Variants in TMEM178B observed in about 807,000 individuals in gnomAD.
The protein encoded by TMEM178B is transmembrane protein 178B.
In TMEM178B, 5 loss-of-function variants were observed where a neutral mutation model predicts 31.0. That is an observed-to-expected ratio of 0.16 (90% CI 0.08 to 0.34). The LOEUF is 0.34. Among genes scored for constraint, TMEM178B ranks in the 10% least tolerant of loss-of-function variants. The pLI is 1.00. For missense variants in TMEM178B, 275 were observed against 400.3 expected (o/e 0.69, Z 2.67); for synonymous variants, 164 against 164.0 (o/e 1.00, Z 0.00).
chr7:141,336,490 C>G (rs1262376690), intron 2 of TMEM178B, among the ~76,000 whole-genome samples: 1 of 152,078 alleles, frequency 6.6e-6, no homozygotes, highest in Non-Finnish European at 1.5e-5. Flanking sequence ...CTGTAGGTCT[C>G]TAATTTCTCA....
intron 2 of TMEM178B, among the ~76,000 whole-genome samples, chr7:141,300,852 A>T (rs555892592): frequency 6.6e-5 from 10 of 151,240 alleles, no homozygotes; most frequent in Non-Finnish European, 1.0e-4. Flanking sequence ...TTCTATGTTC[A>T]TCTCTGTTTA....
At chr7:141,354,937 A>G (rs1019576092) in intron 2 of TMEM178B, among the ~76,000 whole-genome samples, 1 of 152,206 alleles carries the variant, frequency 6.6e-6, no homozygotes, top group Non-Finnish European at 1.5e-5. Context: ...CAGAGATTCT[A>G]GCTGCTTATT....
chr7:141,202,572 G>T (rs1200018895), intron 1 of TMEM178B, among the ~76,000 whole-genome samples: 4 of 152,264 alleles, frequency 2.6e-5, no homozygotes, highest in African/African-American at 9.6e-5. Context: ...ATACAAAATG[G>T]AATGCATTTG....
At chr7:141,116,670 C>T (rs902133491) in intron 1 of TMEM178B, among the ~76,000 whole-genome samples, 1 of 152,042 alleles carries the variant, frequency 6.6e-6, no homozygotes, top group South Asian at 2.1e-4. Context: ...TCCCCTAGAC[C>T]CCCATCCCCT....
At chr7:141,469,173 C>T (rs1802196054) in intron 3 of TMEM178B, among the ~76,000 whole-genome samples, 1 of 152,196 alleles carries the variant, frequency 6.6e-6, no homozygotes, top group African/African-American at 2.4e-5. Context: ...ACAGGCTGCT[C>T]ATTTGCTCAA....
At chr7:141,333,951 C>T (rs76839626) in intron 2 of TMEM178B, among the ~76,000 whole-genome samples, 9,902 of 152,280 alleles carry the variant, frequency 0.065, 777 homozygotes, top group African/African-American at 0.18. Context: ...TGCTCACTCA[C>T]CTGCCCACCT....
chr7:141,299,335 C>T (rs1421386375), intron 2 of TMEM178B, among the ~76,000 whole-genome samples: 3 of 152,188 alleles, frequency 2.0e-5, no homozygotes, highest in Non-Finnish European at 4.4e-5. Context: ...CGCCACCACA[C>T]TCAGCTAATT....
At chr7:141,213,284 G>A (rs192281108) in intron 2 of TMEM178B, among the ~76,000 whole-genome samples, 1 of 152,322 alleles carries the variant, frequency 6.6e-6, no homozygotes, top group Admixed American at 6.5e-5. Context: ...GTGTGCATTG[G>A]TTAGGGCATT....
chr7:141,361,247 C>T (rs1183091793), intron 2 of TMEM178B, among the ~76,000 whole-genome samples: 1 of 152,114 alleles, frequency 6.6e-6, no homozygotes, highest in East Asian at 1.9e-4. Context: ...GCAAGTATCA[C>T]AGGGCCATTT....
At position 141,374,434 on chromosome 7, in the gene TMEM178B, A is replaced by G. The variant is rs147477252; in HGVS notation, c.497-63174A>G. Among the ~76,000 whole-genome samples the G allele has an allele frequency of 4.9e-4, 75 of 152,286 alleles. 2 individuals are homozygous for G. The East Asian group carries it at 9.1e-3, about 18-fold the overall frequency. On this transcript the variant is annotated intron_variant, in intron 2 of 3. Transcript: ENST00000565468. ...ACAACACTCACACTCTTGTGCATAC[A>G]ACCTTCTCCCACCTCTTCTTCATTG...
chr7:141,252,548 A>C (rs887607920), intron 2 of TMEM178B, among the ~76,000 whole-genome samples: 1 of 152,226 alleles, frequency 6.6e-6, no homozygotes, highest in Non-Finnish European at 1.5e-5. Flanking sequence ...TTCTGTGCCC[A>C]TGGATTTGAT....
At chr7:141,419,557 G>A (rs1394028625) in intron 2 of TMEM178B, among the ~76,000 whole-genome samples, 1 of 152,166 alleles carries the variant, frequency 6.6e-6, no homozygotes, top group Non-Finnish European at 1.5e-5. Flanking sequence ...CTACTCTGCA[G>A]CCATGGTCAC....
intron 2 of TMEM178B, among the ~76,000 whole-genome samples, chr7:141,345,937 G>A (rs1799611341): frequency 6.6e-6 from 1 of 152,054 alleles, no homozygotes; most frequent in Admixed American, 6.6e-5. Flanking sequence ...TTGTTTTGTG[G>A]CATATGATTC....
intron 1 of TMEM178B, among the ~76,000 whole-genome samples, chr7:141,115,647 G>A (rs575438367): frequency 4.7e-4 from 71 of 152,276 alleles, no homozygotes; most frequent in African/African-American, 1.6e-3. Context: ...TCAGGCGAAT[G>A]AGGGGCAAAG....
At chr7:141,094,712 C>G (rs1764927270) in intron 1 of TMEM178B, among the ~76,000 whole-genome samples, 1 of 152,176 alleles carries the variant, frequency 6.6e-6, no homozygotes, top group African/African-American at 2.4e-5. Flanking sequence ...ATGGTTTCTG[C>G]AGTTTTTAAT....
chr7:141,485,060 A>G (rs1802533929), downstream of TMEM178B, among the ~76,000 whole-genome samples: 1 of 152,146 alleles, frequency 6.6e-6, no homozygotes, highest in African/African-American at 2.4e-5. Context: ...GGTGTCAGGG[A>G]AGCATTGATT....
chr7:141,149,957 C>T (rs1795938495), intron 1 of TMEM178B, among the ~76,000 whole-genome samples: 2 of 152,010 alleles, frequency 1.3e-5, no homozygotes, highest in African/African-American at 4.8e-5. Flanking sequence ...GAGAGGTGGC[C>T]TGGGGGTAGA....
At chr7:141,193,879 A>G (rs980803990) in intron 1 of TMEM178B, among the ~76,000 whole-genome samples, 1 of 152,146 alleles carries the variant, frequency 6.6e-6, no homozygotes, top group Admixed American at 6.5e-5. Flanking sequence ...GACTCCTCAT[A>G]TTGCCATTCC....
In TMEM178B at chr7:141,074,339, C is replaced by T; in HGVS notation, c.29C>T (p.Thr10Ile). The change falls in exon 1 of 4, where the codon ACT becomes ATT. Residue 10 changes from threonine (T) to isoleucine (I), a missense_variant. By Grantham distance (89) the Thr-to-Ile change is moderately conservative. Coordinates refer to ENST00000565468, the MANE Select transcript of TMEM178B (RefSeq NM_001195278.2). This position sits in a 1 kb window ranked among gnomAD's most constrained non-coding sequence, Gnocchi z 5.1. MAAGRLLLY[T>I]GLSLALCALG... ...GCTGCCGGAAGGTTACTGCTCTACA[C>T]TGGCCTCTCGCTAGCGCTCTGCGCC... The T allele has an allele frequency of 7.2e-6, 11 of 1,535,800 alleles. No homozygotes were observed. Among genetic ancestry groups the T allele is most frequent in the Non-Finnish European group, 9.6e-6 (11 of 1,146,716 alleles).
Sources: allele counts gnomAD v4.1 joint callset (sites outside exome capture counted in the v4.1 genomes callset), GRCh38; gene constraint gnomAD v4.1.1; non-coding constraint Gnocchi (gnomAD v3.1); transcripts MANE v1.5; gene names NCBI Gene and HGNC (gene_info 2026-07-23, HGNC 2026-07-21).